Variants in CHD1 observed in about 807,000 individuals in gnomAD.
CHD1 encodes chromodomain helicase DNA binding protein 1, also known as ATP-dependent chromatin remodeler CHD1.
A neutral mutation model predicts 224.2 loss-of-function variants in CHD1; 36 were observed. The ratio of observed to expected loss-of-function variants is 0.16; its 90% CI spans 0.12 to 0.21. CHD1 has a LOEUF of 0.21. Among genes scored for constraint, CHD1 ranks in the 10% least tolerant of loss-of-function variants. The pLI, the probability that CHD1 is intolerant of heterozygous loss-of-function variation, is 1.00. For missense variants in CHD1, 1,378 were observed against 1,994.8 expected (o/e 0.69, Z 5.89); for synonymous variants, 668 against 658.3 (o/e 1.01, Z -0.23).
At chr5:98,889,795 C>A (rs1019319351) in intron 15 of CHD1, 3 of 152,084 alleles carry the variant, frequency 2.0e-5, no homozygotes, top group African/African-American at 7.3e-5. Flanking sequence ...GGTCCCCATA[C>A]AAGGATGACA....
At chr5:98,903,357 G>A (rs192406609) in intron 4 of CHD1, among the ~76,000 whole-genome samples, 6 of 151,864 alleles carry the variant, frequency 4.0e-5, no homozygotes, top group Non-Finnish European at 5.9e-5. Context: ...ATGTATGCAT[G>A]CTTGCACACA....
rs1021084905 is a variant in CHD1, at chr5:98,855,501, A to G, written c.*879T>C. On this transcript the variant is annotated 3_prime_UTR_variant, in exon 36 of 36. Coordinates refer to ENST00000614616, the MANE Select transcript of CHD1 (RefSeq NM_001270.4). ...ACATATCTCGCCATTTTTTAAAACT[A>G]CAAACACAATATTGACTAAAAAAGG... The G allele has an allele frequency of 6.6e-6, 1 of 152,328 alleles. No individual in the cohort carries two copies. Among genetic ancestry groups the G allele is most frequent in the Non-Finnish European group, 1.5e-5 (1 of 67,984 alleles). 9.4% of individuals were successfully genotyped at this position (152,328 alleles called of 1,614,324 possible). A position where few individuals can be genotyped will look rare whatever the true frequency, so the allele number is the denominator to read the frequency against.
At chr5:98,898,169 C>T (rs746525124) in intron 10 of CHD1, 87 bp downstream of exon 10, 1 of 718,058 alleles carries the variant, frequency 1.4e-6, no homozygotes, top group Non-Finnish European at 1.9e-6. Flanking sequence ...TATCTGAAAT[C>T]AGGATCCAAC....
chr5:98,900,281 C>CAAAAAAAAAAAA (rs77593613), intron 7 of CHD1, among the ~76,000 whole-genome samples: 1 of 92,580 alleles, frequency 1.1e-5, no homozygotes, highest in Non-Finnish European at 2.3e-5. Context: ...GATTCTGTCA[C>CAAAAAAAAAAAA]AAAAAAAAAA....
At chr5:98,860,402 A>G (rs577662596) in intron 32 of CHD1, 1 of 322,108 alleles carries the variant, frequency 3.1e-6, no homozygotes, top group Non-Finnish European at 6.0e-6. Context: ...GATCCTGATT[A>G]TGCATATAAG....
At chr5:98,906,621 C>T (rs1752067333) in intron 2 of CHD1, among the ~76,000 whole-genome samples, 1 of 152,140 alleles carries the variant, frequency 6.6e-6, no homozygotes, top group African/African-American at 2.4e-5. Context: ...GAATAAATAT[C>T]CTTCTTTGCT....
intron 2 of CHD1, among the ~76,000 whole-genome samples, chr5:98,913,932 T>A (rs911612923): frequency 8.5e-5 from 13 of 152,100 alleles, no homozygotes; most frequent in African/African-American, 1.2e-4. Flanking sequence ...AGTTTTTTTT[T>A]TAAAAAATTC....
chr5:98,878,207 G>A (rs1176515713), intron 23 of CHD1, among the ~76,000 whole-genome samples: 1 of 152,218 alleles, frequency 6.6e-6, no homozygotes, highest in Non-Finnish European at 1.5e-5. Flanking sequence ...TCATGAGAAG[G>A]AAGACTGGAG....
intron 32 of CHD1, among the ~76,000 whole-genome samples, chr5:98,863,021 T>C (rs1748591937): frequency 1.3e-5 from 2 of 152,164 alleles, no homozygotes; most frequent in South Asian, 4.1e-4. Flanking sequence ...TTTTTACATC[T>C]TTATACATGT....
intron 2 of CHD1, among the ~76,000 whole-genome samples, chr5:98,910,458 T>C (rs1020612589): frequency 6.6e-6 from 1 of 152,140 alleles, no homozygotes; most frequent in African/African-American, 2.4e-5. Flanking sequence ...CTTTTTTAAA[T>C]AGAGACTGCT....
At chr5:98,926,246 A>C in intron 2 of CHD1, 88 bp downstream of exon 2, 3 of 828,290 alleles carry the variant, frequency 3.6e-6, no homozygotes, top group Non-Finnish European at 5.7e-6. Flanking sequence ...CTATGAGGAA[A>C]ACTAAATAAC....
At chr5:98,867,467 ATTC>A (rs1037004100) in intron 31 of CHD1, among the ~76,000 whole-genome samples, 2 of 152,150 alleles carry the variant, frequency 1.3e-5, no homozygotes, top group South Asian at 2.1e-4. Context: ...GAAACATTTC[ATTC>A]TTCTTGTATT....
intron 23 of CHD1, among the ~76,000 whole-genome samples, chr5:98,878,470 CAA>C (rs1749931498): frequency 6.6e-6 from 1 of 152,150 alleles, no homozygotes. Context: ...ACTCAGCAAT[CAA>C]GACAAAAAAT....
At chr5:98,910,864 T>C in intron 2 of CHD1, among the ~76,000 whole-genome samples, 1 of 151,958 alleles carries the variant, frequency 6.6e-6, no homozygotes, top group Non-Finnish European at 1.5e-5. Context: ...AGTTCTCTGA[T>C]TCTACAAATA....
At chr5:98,862,854 G>T (rs73153557) in intron 32 of CHD1, among the ~76,000 whole-genome samples, 203 of 152,280 alleles carry the variant, frequency 1.3e-3, no homozygotes, top group African/African-American at 4.8e-3. Flanking sequence ...CCAGTTAAAT[G>T]TAAAAGATAG....
intron 2 of CHD1, among the ~76,000 whole-genome samples, chr5:98,913,065 ACAAAT>A (rs1336825063): frequency 6.6e-6 from 1 of 152,224 alleles, no homozygotes; most frequent in Non-Finnish European, 1.5e-5. Flanking sequence ...CTATAAATAA[ACAAAT>A]CAAAGAATTT....
intron 31 of CHD1, among the ~76,000 whole-genome samples, chr5:98,867,851 GGAGT>G (rs1749013965): frequency 1.4e-5 from 2 of 139,990 alleles, no homozygotes; most frequent in African/African-American, 5.2e-5. Flanking sequence ...GGCCCGGGCT[GGAGT>G]GCAATGGTGC....
At chr5:98,867,703 T>C (rs1397737659) in intron 31 of CHD1, among the ~76,000 whole-genome samples, 2 of 152,086 alleles carry the variant, frequency 1.3e-5, no homozygotes, top group Non-Finnish European at 2.9e-5. Flanking sequence ...TCTTTCCGAG[T>C]TGCTTCTAAA....
chr5:98,858,937 T>G, intron 34 of CHD1, 27 bp downstream of exon 34: 1 of 1,472,542 alleles, frequency 6.8e-7, no homozygotes. Context: ...TTTTAATTTA[T>G]TTTCCCAATC....
Sources: gnomAD v4.1 joint callset for allele counts (sites outside exome capture counted in the v4.1 genomes callset) on GRCh38, gnomAD v4.1.1 for gene constraint, MANE v1.5 for transcripts, NCBI Gene and HGNC (gene_info 2026-07-23, HGNC 2026-07-21) for gene names.